Variants in LMLN observed in about 807,000 individuals in gnomAD.
LMLN encodes the protein leishmanolysin like peptidase, also known as leishmanolysin-like peptidase.
A neutral mutation model predicts 92.3 loss-of-function variants in LMLN; 70 were observed. The observed-to-expected ratio is 0.76, with a 90% CI of 0.63 to 0.92. LMLN has a LOEUF of 0.92. Ranked by LOEUF, LMLN falls within the 40% of genes least tolerant of loss-of-function variation. LMLN has a pLI of 0.00. For missense variants in LMLN, 691 were observed against 814.6 expected (o/e 0.85, Z 1.85); for synonymous variants, 308 against 296.2 (o/e 1.04, Z -0.41).
chr3:198,003,238 T>TCA, intron 11 of LMLN, 113 bp downstream of exon 12: 1 of 601,642 alleles, frequency 1.7e-6, no homozygotes, highest in South Asian at 2.5e-5. Context: ...AGTTCAATTT[T>TCA]AAAATATATA....
chr3:198,027,489 T>C (rs916871775), intron 14 of LMLN, among the ~76,000 whole-genome samples: 6 of 152,168 alleles, frequency 3.9e-5, no homozygotes, highest in African/African-American at 1.4e-4. Flanking sequence ...TCAGAAACTC[T>C]GTACTCACTA....
intron 13 of LMLN, among the ~76,000 whole-genome samples, chr3:198,024,320 A>G (rs563410406): frequency 5.4e-5 from 8 of 147,578 alleles, no homozygotes; most frequent in Admixed American, 1.4e-4. Context: ...GGTTCACGCC[A>G]TTCTCCTGCC....
At position 197,996,163 on chromosome 3, in the gene LMLN, T is replaced by C. The variant is rs776656084; in HGVS notation, c.1048-12T>C. 1.5e-5 allele frequency: 22 copies of C among 1,502,188 alleles called. No individual in the cohort carries two copies. Among genetic ancestry groups the C allele is most frequent in the Non-Finnish European group, 1.8e-5 (20 of 1,115,742 alleles). 93.1% of individuals were successfully genotyped at this position (1,502,188 alleles called of 1,614,324 possible). ...TACCATATTTGTTTCTGATTTTTTTTCTGGTTCTTAGGAGGAAGCACGAAA... is the reference window on the plus strand; with the variant it reads ...TACCATATTTGTTTCTGATTTTTTTCCTGGTTCTTAGGAGGAAGCACGAAA... On this transcript the variant is annotated splice_polypyrimidine_tract_variant and intron_variant, in intron 9 of 15. Transcript: ENST00000330198.
intron 12 of LMLN, among the ~76,000 whole-genome samples, chr3:198,020,581 A>G (rs1581174874): frequency 6.6e-6 from 1 of 152,004 alleles, no homozygotes; most frequent in East Asian, 1.9e-4. Flanking sequence ...GAAAACACAT[A>G]CAATTATTTT....
chr3:197,974,358 A>G lies in LMLN; in HGVS notation c.220-19A>G. The G allele has an allele frequency of 7.3e-7, 1 of 1,375,176 alleles. No homozygotes were observed. The highest frequency in any genetic ancestry group is 1.0e-6 in the Non-Finnish European group (1 of 973,992). The allele number at this position is 1,375,176 out of a possible 1,614,324, so 85.2% of individuals were successfully genotyped here. A position where few individuals can be genotyped will look rare whatever the true frequency, so the allele number is the denominator to read the frequency against. ...ATCTGTATGTCTTAAACAGTTTTCA[A>G]ATCCGTTCCTTTTTTCAGGTCATAA... On this transcript the variant is annotated intron_variant, in intron 1 of 15. Coordinates refer to ENST00000330198, the Ensembl canonical transcript of LMLN.
chr3:197,977,816 C>G (rs1249870520), intron 5 of LMLN, among the ~76,000 whole-genome samples: 1 of 151,746 alleles, frequency 6.6e-6, no homozygotes, highest in African/African-American at 2.4e-5. Flanking sequence ...CAAAAATCAT[C>G]AAACAGTCTG....
intron 8 of LMLN, among the ~76,000 whole-genome samples, chr3:197,988,197 G>A (rs1721765541): frequency 6.6e-6 from 1 of 150,458 alleles, no homozygotes; most frequent in African/African-American, 2.4e-5. Context: ...TTGCCCAGGT[G>A]GGTCTCGAAC....
chr3:197,976,077 G>A (rs1581135221), exon 4 of LMLN: 10 of 1,607,070 alleles, frequency 6.2e-6, no homozygotes, highest in Non-Finnish European at 8.5e-6. Flanking sequence ...GACTTTTCAG[G>A]TCCGTCGACC....
chr3:197,969,077 TTCTC>T (rs748902755), intron 1 of LMLN, among the ~76,000 whole-genome samples: 26 of 151,962 alleles, frequency 1.7e-4, no homozygotes, highest in Admixed American at 2.6e-4. Context: ...GTAGTTTGTA[TTCTC>T]TCTGTCTTTT....
intron 1 of LMLN, among the ~76,000 whole-genome samples, chr3:197,973,256 T>A (rs1721279960): frequency 6.6e-6 from 1 of 151,976 alleles, no homozygotes; most frequent in African/African-American, 2.4e-5. Context: ...TTTTTTTTTT[T>A]TTTGAGACGG....
chr3:198,000,866 C>A (rs1408669301), intron 11 of LMLN, among the ~76,000 whole-genome samples: 2 of 152,158 alleles, frequency 1.3e-5, no homozygotes, highest in Non-Finnish European at 2.9e-5. Context: ...ACAATACTTA[C>A]CCTGACCACC....
intron 11 of LMLN, among the ~76,000 whole-genome samples, chr3:198,000,985 G>A (rs977579305): frequency 2.6e-5 from 4 of 151,764 alleles, no homozygotes; most frequent in South Asian, 2.1e-4. Flanking sequence ...GATCCACTAC[G>A]TTGGTTTGAC....
intron 8 of LMLN, among the ~76,000 whole-genome samples, chr3:197,987,282 C>T (rs1445671035): frequency 6.6e-6 from 1 of 151,726 alleles, no homozygotes; most frequent in Non-Finnish European, 1.5e-5. Flanking sequence ...GCCTCAGCCT[C>T]CCAAGTAGCT....
intron 1 of LMLN, among the ~76,000 whole-genome samples, chr3:197,967,114 T>C (rs148770721): frequency 6.6e-6 from 1 of 152,334 alleles, no homozygotes; most frequent in East Asian, 1.9e-4. Context: ...TAATAAGGGA[T>C]ATTGGTCTGT....
At chr3:197,976,887 A>G (rs572807642) in intron 5 of LMLN, among the ~76,000 whole-genome samples, 172 bp downstream of exon 5, 1 of 152,298 alleles carries the variant, frequency 6.6e-6, no homozygotes, top group East Asian at 1.9e-4. Flanking sequence ...AGTGAGTTTA[A>G]TGGTATTTTC....
intron 1 of LMLN, among the ~76,000 whole-genome samples, chr3:197,973,036 C>T (rs1304218781): frequency 1.3e-5 from 2 of 152,186 alleles, no homozygotes; most frequent in African/African-American, 4.8e-5. Flanking sequence ...GTAGTGCTCT[C>T]AAGCCAAAGT....
rs1393277211 is a variant in LMLN, at chr3:197,980,313, C to T, written c.550-13C>T. 3 of 1,607,556 alleles carry T rather than the reference C, an allele frequency of 1.9e-6. No homozygotes were observed. Among genetic ancestry groups the T allele is most frequent in the African/African-American group, 2.7e-5 (2 of 74,624 alleles). ...TCTCTGTTCTGGCTTTCTGATGTCT[C>T]CCGTGGGTGCAGCAATGCCGGGTCT... On this transcript the variant is annotated splice_polypyrimidine_tract_variant and intron_variant, in intron 5 of 15. Coordinates refer to ENST00000330198, the Ensembl canonical transcript of LMLN.
rs777794878 is a variant in LMLN at position 197,974,409 on chromosome 3, TGTG to T, written c.255_257del (p.Val86del). ...ATAAAGTTCATCTTAAGGCAAATCA[TGTG>T]GTCAAGAGAGATGTTGATGAGCATT... is the stretch of plus-strand genomic sequence containing the variant. On this transcript the variant is annotated inframe_deletion, in exon 2 of 16. Transcript: ENST00000330198. 5 of 1,597,942 alleles carry T rather than the reference TGTG, an allele frequency of 3.1e-6. No individual in the cohort carries two copies. In the Admixed American group the frequency reaches 8.9e-5, roughly 28 times the overall value.
At chr3:197,985,922 CTTTTAGGAGGGTG>C in intron 8 of LMLN, 32 bp downstream of exon 8, 1 of 1,307,828 alleles carries the variant, frequency 7.6e-7, no homozygotes, top group Non-Finnish European at 1.1e-6. Context: ...TTGTTCTCCT[CTTTTAGGAGGGTG>C]CTAAGACTAG....
Sources: allele counts gnomAD v4.1 joint callset (sites outside exome capture counted in the v4.1 genomes callset), GRCh38; gene constraint gnomAD v4.1.1; transcripts MANE v1.5; gene names NCBI Gene and HGNC (gene_info 2026-07-23, HGNC 2026-07-21).